CRY2: variants seen among roughly 807,000 people sequenced by gnomAD.
CRY2 encodes cryptochrome-2.
A neutral mutation model predicts 69.5 loss-of-function variants in CRY2; 31 were observed. That is an observed-to-expected ratio of 0.45 (90% confidence interval 0.34 to 0.60). The LOEUF is 0.60. Ranked by LOEUF, CRY2 falls within the 20% of genes least tolerant of loss-of-function variation. The pLI is 0.02. For missense variants in CRY2, 606 were observed against 797.8 expected (o/e 0.76, Z 2.90); for synonymous variants, 303 against 312.2 (o/e 0.97, Z 0.31).
rs531179841 is a variant in CRY2 at position 45,882,345 on chromosome 11, C to T, written c.*1434C>T. The T allele has an allele frequency of 2.8e-5, 9 of 319,278 alleles. No homozygotes were observed. In the South Asian group the frequency reaches 6.4e-4, roughly 23 times the overall value. 19.8% of individuals were successfully genotyped at this position (319,278 alleles called of 1,614,324 possible). On this transcript the variant is annotated 3_prime_UTR_variant, in exon 12 of 12. Transcript: ENST00000616080. ...ATTCCTGTTTGGATTTTTGTCCTCACGTGTATCATTAAGCTGGCCTTTGGG... is the reference window on the plus strand; with the variant it reads ...ATTCCTGTTTGGATTTTTGTCCTCATGTGTATCATTAAGCTGGCCTTTGGG...
At chr11:45,855,780 G>A (rs967400449) in intron 1 of CRY2, among the ~76,000 whole-genome samples, 1 of 152,252 alleles carries the variant, frequency 6.6e-6, no homozygotes, top group Non-Finnish European at 1.5e-5. Context: ...CAGCTAGTAA[G>A]TGGCAAGACC....
In CRY2 at chr11:45,856,970, G is replaced by A. The variant is rs140875010; in HGVS notation, c.324+880G>A. 3.0e-3 allele frequency among the ~76,000 whole-genome samples: 456 copies of A among 152,252 alleles called. 2 individuals carry two copies. The highest frequency in any genetic ancestry group is 5.3e-3 in the Non-Finnish European group (362 of 68,022). Reference sequence around the variant, plus strand: ...AGTATATTCTAAGGCCCACATAGAAGCACAGGAACTCATGGACAGAGGGCT... The same window carrying A: ...AGTATATTCTAAGGCCCACATAGAAACACAGGAACTCATGGACAGAGGGCT... On this transcript the variant is annotated intron_variant, in intron 2 of 11. Transcript: ENST00000616080.
At chr11:45,849,057 C>A (rs753906726) in intron 1 of CRY2, among the ~76,000 whole-genome samples, 1 of 152,168 alleles carries the variant, frequency 6.6e-6, no homozygotes, top group African/African-American at 2.4e-5. Context: ...CCAGTCGGAG[C>A]CAGGCAAATG....
At position 45,870,369 on chromosome 11, in the gene CRY2, C is replaced by T; in HGVS notation, c.1386C>T (p.Tyr462=). 6.2e-7 allele frequency: 1 copy of T among 1,614,238 alleles called. No homozygotes were observed. The highest frequency in any genetic ancestry group is 8.5e-7 in the Non-Finnish European group (1 of 1,180,056). The change falls in exon 9 of 12, where the codon TAC becomes TAT. Residue 462 remains tyrosine (Y), a synonymous_variant. Coordinates refer to ENST00000616080, the MANE Select transcript of CRY2 (RefSeq NM_021117.5). ...AATTGAAAGCGTTCCCCTCTCGATA[C>T]ATCTATGAGCCCTGGAATGCCCCAG... The part of the protein sequence containing the change: ...LPKLKAFPSR[Y]IYEPWNAPES...
intron 11 of CRY2, among the ~76,000 whole-genome samples, 158 bp downstream of exon 11, chr11:45,872,391 AGCC>A (rs1226932373): frequency 6.6e-6 from 1 of 152,108 alleles, no homozygotes; most frequent in Admixed American, 6.6e-5. Context: ...TTACAGTGGC[AGCC>A]GGGTTCCATC....
chr11:45,869,760 C>T lies in CRY2; in HGVS notation c.1137C>T (p.Ala379=), dbSNP rs1380543577. The T allele has an allele frequency of 2.5e-6, 4 of 1,613,658 alleles. No individual in the cohort carries two copies. The highest frequency in any genetic ancestry group is 1.7e-6 in the Non-Finnish European group (2 of 1,179,756). The change falls in exon 7 of 12, where the codon GCC becomes GCT. Residue 379 remains alanine (A), a synonymous_variant. Coordinates refer to ENST00000616080, the MANE Select transcript of CRY2 (RefSeq NM_021117.5). The part of the protein sequence containing the change: ...EGWIHHLARH[A]VACFLTRGDL... ...GGATCCACCACCTGGCCCGGCATGC[C>T]GTGGCCTGCTTCCTGACCCGCGGGG...
At chr11:45,856,272 T>A (rs2086238416) in intron 2 of CRY2, 182 bp downstream of exon 2, 1 of 573,118 alleles carries the variant, frequency 1.7e-6, no homozygotes. Flanking sequence ...GAAACTGTGT[T>A]AAGGAAAAAA....
At chr11:45,856,207 G>A (rs2086238015) in intron 2 of CRY2, 117 bp downstream of exon 2, 3 of 872,592 alleles carry the variant, frequency 3.4e-6, no homozygotes, top group Non-Finnish European at 5.4e-6. Context: ...TGGTCTGGCT[G>A]TTGCTGCTAG....
chr11:45,847,459 G>T, upstream of CRY2: 1 of 1,596,800 alleles, frequency 6.3e-7, no homozygotes, highest in Non-Finnish European at 8.5e-7. Context: ...TACCGGGGCG[G>T]AGCGGGGGTG....
At chr11:45,860,402 A>G (rs896016747) in intron 3 of CRY2, among the ~76,000 whole-genome samples, 2 of 151,740 alleles carry the variant, frequency 1.3e-5, no homozygotes. Flanking sequence ...AAAAAAAAAA[A>G]AAAACATGTC....
intron 5 of CRY2, among the ~76,000 whole-genome samples, chr11:45,865,430 TTAAAA>T (rs2086323654): frequency 6.6e-6 from 1 of 152,214 alleles, no homozygotes; most frequent in African/African-American, 2.4e-5. Context: ...CAAGTTTCAT[TTAAAA>T]TAAAAATATT....
At chr11:45,848,311 C>T (rs1179565916) in intron 1 of CRY2, among the ~76,000 whole-genome samples, 1 of 152,126 alleles carries the variant, frequency 6.6e-6, no homozygotes. Flanking sequence ...AAGCCAAAGG[C>T]GTCTTCAGGT....
chr11:45,868,621 T>G (rs927530361), intron 6 of CRY2, among the ~76,000 whole-genome samples: 2 of 152,080 alleles, frequency 1.3e-5, no homozygotes, highest in African/African-American at 2.4e-5. Flanking sequence ...GCCTAGCCGT[T>G]GTGTCTACAT....
rs377570652 is a variant in CRY2 at position 45,864,245 on chromosome 11, G to A, written c.741+2097G>A. Among the ~76,000 whole-genome samples the A allele has an allele frequency of 6.6e-5, 10 of 152,170 alleles. No individual in the cohort carries two copies. The South Asian group carries it at 1.7e-3, about 25-fold the overall frequency. ...GGAATCTTGGCAAGTCAGATGGCCT[G>A]GATTCTTTCCCAGAACAATGGAAAG... On this transcript the variant is annotated intron_variant, in intron 5 of 11. Transcript: ENST00000616080.
In CRY2 at chr11:45,869,865, C is replaced by T. The variant is rs775909389; in HGVS notation, c.1194+48C>T. 4 of 1,556,922 alleles carry T rather than the reference C, an allele frequency of 2.6e-6. No individual in the cohort carries two copies. In the South Asian group the frequency reaches 4.8e-5, roughly 19 times the overall value. ...GCTGGCCTGTACCCTCTGGTCAGGC[C>T]CGTCAAAGGGCAGCCCCCTTCTGGG... On this transcript the variant is annotated intron_variant, in intron 7 of 11. Transcript: ENST00000616080.
At chr11:45,867,784 T>A in intron 6 of CRY2, 32 bp downstream of exon 6, 1 of 1,613,596 alleles carries the variant, frequency 6.2e-7, no homozygotes, top group Non-Finnish European at 8.5e-7. Context: ...ACATTGCACC[T>A]AAGGCCTGCA....
At chr11:45,848,310 G>A (rs1048280948) in intron 1 of CRY2, among the ~76,000 whole-genome samples, 1 of 152,158 alleles carries the variant, frequency 6.6e-6, no homozygotes, top group African/African-American at 2.4e-5. Flanking sequence ...GAAGCCAAAG[G>A]CGTCTTCAGG....
At position 45,872,123 on chromosome 11, in the gene CRY2, C is replaced by T. The variant is rs368491800; in HGVS notation, c.1674C>T (p.Ser558=). ...GACCACTACCCAGTGGCCCAGCATC[C>T]CCCAAACGCAAGCTGGAAGCAGCCG... ...GPRPLPSGPA[S]PKRKLEAAEE... The change falls in exon 11 of 12, where the codon TCC becomes TCT. Residue 558 remains serine (S), a synonymous_variant. Transcript: ENST00000616080. 2.5e-6 allele frequency: 4 copies of T among 1,614,032 alleles called. No homozygotes were observed. Among genetic ancestry groups the T allele is most frequent in the African/African-American group, 1.3e-5 (1 of 74,926 alleles).
intron 1 of CRY2, among the ~76,000 whole-genome samples, chr11:45,855,569 C>G (rs1382962681): frequency 1.3e-5 from 2 of 152,186 alleles, no homozygotes; most frequent in African/African-American, 4.8e-5. Flanking sequence ...AAGTGACTAG[C>G]CTCTGATCAC....
Sources: gnomAD v4.1 joint callset for allele counts (sites outside exome capture counted in the v4.1 genomes callset) on GRCh38, gnomAD v4.1.1 for gene constraint, MANE v1.5 for transcripts, NCBI Gene and HGNC (gene_info 2026-07-23, HGNC 2026-07-21) for gene names.